Variants in RPGRIP1L observed in about 807,000 individuals in gnomAD.
RPGRIP1L encodes protein fantom.
Under a neutral mutation model 160.4 loss-of-function variants are expected in RPGRIP1L, and 131 were observed. The ratio of observed to expected loss-of-function variants is 0.82; its 90% confidence interval spans 0.71 to 0.94. The LOEUF is 0.94. Among genes scored for constraint, RPGRIP1L ranks in the 40% least tolerant of loss-of-function variants. RPGRIP1L has a pLI of 0.00. For synonymous variants in RPGRIP1L, 510 were observed against 515.8 expected, an observed-to-expected ratio of 0.99 and a Z score of 0.15; for missense variants, 1,522 against 1,535.8, an observed-to-expected ratio of 0.99 and a Z score of 0.15.
At chr16:53,633,818 T>A (rs1965670355) in intron 22 of RPGRIP1L, among the ~76,000 whole-genome samples, 1 of 152,164 alleles carries the variant, frequency 6.6e-6, no homozygotes, top group South Asian at 2.1e-4. Flanking sequence ...TGAATCCAGG[T>A]AAGGAATATA....
At chr16:53,643,915 G>C (rs992958367) in intron 17 of RPGRIP1L, among the ~76,000 whole-genome samples, 2 of 152,188 alleles carry the variant, frequency 1.3e-5, no homozygotes, top group Non-Finnish European at 2.9e-5. Context: ...CCACATGTTA[G>C]ACTTGGCAAA....
In RPGRIP1L at chr16:53,652,845, T is replaced by C. The variant is rs781049099; in HGVS notation, c.1842A>G (p.Val614=). Residue 614 remains valine, a synonymous_variant, in exon 15 of 27, where the codon GTA becomes GTG. Transcript: ENST00000647211. ...CCTGTAAAACTTCAGAAGAAAAGGTTACTTTGTTGATATGGATTTCAAATA... is the reference window on the plus strand; with the variant it reads ...CCTGTAAAACTTCAGAAGAAAAGGTCACTTTGTTGATATGGATTTCAAATA... ...ENLFEIHINK[V]TFSSEVLQAS... 4 of 1,613,324 alleles carry C rather than the reference T, an allele frequency of 2.5e-6. No individual in the cohort carries two copies. The highest frequency in any genetic ancestry group is 2.2e-5 in the East Asian group (1 of 44,856).
intron 6 of RPGRIP1L, among the ~76,000 whole-genome samples, chr16:53,678,478 T>C (rs1969358637): frequency 6.6e-6 from 1 of 152,338 alleles, no homozygotes; most frequent in African/African-American, 2.4e-5. Flanking sequence ...TATAGTCTAA[T>C]ATGAAAGCTT....
intron 14 of RPGRIP1L, among the ~76,000 whole-genome samples, chr16:53,654,084 C>T (rs968280914): frequency 1.3e-5 from 2 of 152,158 alleles, no homozygotes; most frequent in African/African-American, 4.8e-5. Context: ...CTGACTCAGC[C>T]TCCCGAGTAG....
At chr16:53,688,426 C>A (rs1004709690) in intron 4 of RPGRIP1L, among the ~76,000 whole-genome samples, 2 of 151,950 alleles carry the variant, frequency 1.3e-5, no homozygotes, top group Admixed American at 1.3e-4. Context: ...ATTTATTCCA[C>A]CCCAATAACA....
At chr16:53,651,957 ATAAAT>A (rs1223693819) in intron 15 of RPGRIP1L, among the ~76,000 whole-genome samples, 1 of 151,996 alleles carries the variant, frequency 6.6e-6, no homozygotes, top group Non-Finnish European at 1.5e-5. Flanking sequence ...AGTTCAATAC[ATAAAT>A]TAATTTATTT....
At chr16:53,684,404 T>C (rs1161538136) in intron 6 of RPGRIP1L, among the ~76,000 whole-genome samples, 1 of 152,160 alleles carries the variant, frequency 6.6e-6, no homozygotes, top group Non-Finnish European at 1.5e-5. Flanking sequence ...CATGGAATAC[T>C]ATGCAGCCTT....
At chr16:53,644,729 C>A (rs896141862) in intron 17 of RPGRIP1L, among the ~76,000 whole-genome samples, 2 of 152,078 alleles carry the variant, frequency 1.3e-5, no homozygotes, top group Non-Finnish European at 2.9e-5. Flanking sequence ...ACAGCAAGAC[C>A]ATCCTTCAAA....
intron 22 of RPGRIP1L, among the ~76,000 whole-genome samples, chr16:53,634,065 C>T (rs1393902568): frequency 6.6e-6 from 1 of 152,130 alleles, no homozygotes; most frequent in Non-Finnish European, 1.5e-5. Context: ...ATCAAGGTGT[C>T]AGCAGGTTTG....
chr16:53,658,984 T>C (rs777749594), intron 10 of RPGRIP1L, 106 bp from the exon 11 acceptor site: 4 of 821,540 alleles, frequency 4.9e-6, no homozygotes, highest in Non-Finnish European at 8.0e-6. Context: ...GATCTAGTAT[T>C]GTTCTGGTCA....
Position 53,652,750 on chromosome 16 carries a change from G to T in RPGRIP1L, c.1937C>A (p.Pro646His). ...TTCGGGATGAAGGCCTCGCACTACGGGAGTTGTCTGTAGTTCAAAATCATA... is the reference window on the plus strand; with the variant it reads ...TTCGGGATGAAGGCCTCGCACTACGTGAGTTGTCTGTAGTTCAAAATCATA... ...AFYDFELQTT[P>H]VVRGLHPEYN... The change falls in exon 15 of 27, where the codon CCC becomes CAC. Residue 646 changes from proline to histidine, a missense_variant. By Grantham distance (77) the Pro-to-His change is moderately conservative. Coordinates refer to ENST00000647211, the MANE Select transcript of RPGRIP1L (RefSeq NM_015272.5). The T allele has an allele frequency of 2.5e-6, 4 of 1,614,100 alleles. No homozygotes were observed. Among genetic ancestry groups the T allele is most frequent in the Non-Finnish European group, 3.4e-6 (4 of 1,179,982 alleles).
intron 22 of RPGRIP1L, among the ~76,000 whole-genome samples, chr16:53,625,640 G>A (rs1965094170): frequency 6.6e-6 from 1 of 152,202 alleles, no homozygotes; most frequent in African/African-American, 2.4e-5. Context: ...CGTCTGGGAC[G>A]TGTACCCAAC....
chr16:53,696,098 C>A, intron 3 of RPGRIP1L, 53 bp downstream of exon 3: 1 of 1,554,908 alleles, frequency 6.4e-7, no homozygotes, highest in Non-Finnish European at 8.9e-7. Context: ...AAATACCATA[C>A]CCTCCAAATT....
Position 53,645,831 on chromosome 16 carries a change from T to C in RPGRIP1L, c.2477A>G (p.Asp826Gly). Residue 826 changes from aspartate to glycine, a missense_variant, in exon 17 of 27, where the codon GAT (aspartate) becomes GGT (glycine). Coordinates refer to ENST00000647211, the MANE Select transcript of RPGRIP1L (RefSeq NM_015272.5). ...VYKFFDFADH[D>G]TAIIPSSNDP... Reference sequence around the variant, plus strand: ...ATTGCTACTGGGAATGATAGCTGTATCATGGTCTGCAAAATCAAAAAACTT... The same window carrying C: ...ATTGCTACTGGGAATGATAGCTGTACCATGGTCTGCAAAATCAAAAAACTT... The C allele has an allele frequency of 6.2e-7, 1 of 1,614,122 alleles. No individual in the cohort carries two copies. Among genetic ancestry groups the C allele is most frequent in the Non-Finnish European group, 8.5e-7 (1 of 1,179,982 alleles).
At position 53,645,746 on chromosome 16, in the gene RPGRIP1L, T is replaced by G; in HGVS notation, c.2562A>C (p.Arg854=). Residue 854 remains arginine (R), a synonymous_variant, in exon 17 of 27, where the codon CGA becomes CGC. Coordinates refer to ENST00000647211, the MANE Select transcript of RPGRIP1L (RefSeq NM_015272.5). ...AACTCAGAGACTCTGACTTAAGGTA[T>G]CGATCCAAGTCCATATTCATTGGCA... ...FPVPMNMDLD[R]YLKSESLSFY... The G allele has an allele frequency of 6.2e-7, 1 of 1,614,130 alleles. No homozygotes were observed. The highest frequency in any genetic ancestry group is 8.5e-7 in the Non-Finnish European group (1 of 1,180,022).
chr16:53,662,125 G>A (rs1006315841), intron 10 of RPGRIP1L, among the ~76,000 whole-genome samples: 1 of 152,122 alleles, frequency 6.6e-6, no homozygotes, highest in African/African-American at 2.4e-5. Flanking sequence ...TTATTCAAAT[G>A]AGATAACATT....
At chr16:53,658,678 T>C in intron 11 of RPGRIP1L, 94 bp downstream of exon 11, 1 of 908,398 alleles carries the variant, frequency 1.1e-6, no homozygotes, top group South Asian at 1.4e-5. Flanking sequence ...AATATATCTG[T>C]ATGCTTTCGC....
intron 16 of RPGRIP1L, among the ~76,000 whole-genome samples, chr16:53,648,563 T>C (rs1454436120): frequency 6.6e-6 from 1 of 152,086 alleles, no homozygotes; most frequent in Non-Finnish European, 1.5e-5. Context: ...TATATGAATC[T>C]ATACATGTGA....
At chr16:53,624,014 CCT>C (rs1964909168) in intron 22 of RPGRIP1L, among the ~76,000 whole-genome samples, 1 of 152,162 alleles carries the variant, frequency 6.6e-6, no homozygotes, top group Non-Finnish European at 1.5e-5. Context: ...ATCTCAGCCC[CCT>C]GAGTAGCTGG....
Sources: allele counts gnomAD v4.1 joint callset (sites outside exome capture counted in the v4.1 genomes callset), GRCh38; gene constraint gnomAD v4.1.1; transcripts MANE v1.5; gene names NCBI Gene and HGNC (gene_info 2026-07-23, HGNC 2026-07-21).